ZNF208: variants seen among roughly 807,000 people sequenced by gnomAD.
ZNF208 encodes the protein zinc finger protein 208, also known as zinc finger protein 95.
A neutral mutation model predicts 12.1 loss-of-function variants in ZNF208; 10 were observed. That is an observed-to-expected ratio of 0.83 (90% CI 0.51 to 1.40). ZNF208 has a LOEUF of 1.40. Among genes scored for constraint, ZNF208 ranks in the 40% most tolerant of loss-of-function variants. The pLI is 0.00. For missense variants in ZNF208, 1,652 were observed against 1,485.0 expected (o/e 1.11, Z -1.85); for synonymous variants, 497 against 488.4 (o/e 1.02, Z -0.23).
downstream of ZNF208, among the ~76,000 whole-genome samples, chr19:21,965,005 G>C (rs1251998024): frequency 1.3e-5 from 2 of 151,736 alleles, no homozygotes; most frequent in East Asian, 3.9e-4. Context: ...TTTAAATCTA[G>C]ACATAATGCT....
In ZNF208 at chr19:21,966,436, C is replaced by T. The variant is rs1970168492; in HGVS notation, c.*4755G>A. 1 of 152,054 alleles carries T rather than the reference C, an allele frequency of 6.6e-6. No homozygotes were observed. Among genetic ancestry groups the T allele is most frequent in the Non-Finnish European group, 1.5e-5 (1 of 67,986 alleles). 9.4% of individuals were successfully genotyped at this position (152,054 alleles called of 1,614,324 possible). Reference sequence around the variant, plus strand: ...ATTCATGTTGCTGCAAAAGACGTTACTTCATTCTCTTCTGTTGCTGCATAG... The same window carrying T: ...ATTCATGTTGCTGCAAAAGACGTTATTTCATTCTCTTCTGTTGCTGCATAG... On this transcript the variant is annotated 3_prime_UTR_variant, in exon 4 of 4. Transcript: ENST00000397126.
At position 22,007,556 on chromosome 19, in the gene ZNF208, T is replaced by C. The variant is rs1468433795; in HGVS notation, c.3+3236A>G. Among the ~76,000 whole-genome samples the C allele has an allele frequency of 7.4e-5, 11 of 149,320 alleles. No homozygotes were observed. In the East Asian group the frequency reaches 2.2e-3, roughly 29 times the overall value. ...GTAACACCTGAAAAAACTCCTAAAT[T>C]CACTCTGAGAAAATAAAAGATGAAT... On this transcript the variant is annotated intron_variant, in intron 1 of 3. Coordinates refer to ENST00000397126, the MANE Select transcript of ZNF208 (RefSeq NM_007153.3).
intron 1 of ZNF208, chr19:21,991,655 G>A (rs10407285): frequency 0.031 from 4,629 of 149,854 alleles, 169 homozygotes; most frequent in African/African-American, 0.088. Flanking sequence ...CAGGAGAATC[G>A]CTTGAACCCG....
Position 21,967,348 on chromosome 19 carries a change from T to G in ZNF208, c.*3843A>C, listed in dbSNP as rs1204432895. 1 of 152,122 alleles carries G rather than the reference T, an allele frequency of 6.6e-6. No homozygotes were observed. Among genetic ancestry groups the G allele is most frequent in the Non-Finnish European group, 1.5e-5 (1 of 68,008 alleles). 9.4% of individuals were successfully genotyped at this position (152,122 alleles called of 1,614,324 possible). A position where few individuals can be genotyped will look rare whatever the true frequency, so the allele number is the denominator to read the frequency against. On this transcript the variant is annotated 3_prime_UTR_variant, in exon 4 of 4. Coordinates refer to ENST00000397126, the MANE Select transcript of ZNF208 (RefSeq NM_007153.3). ...TTCTGTTGGCTTTGTAAAAATAACC[T>G]GATTGCAAAGTATAGCTTAATTCAG...
At chr19:21,958,447 G>A (rs141723282) in intron 4 of ZNF208, among the ~76,000 whole-genome samples, 1 of 152,286 alleles carries the variant, frequency 6.6e-6, no homozygotes, top group Non-Finnish European at 1.5e-5. Context: ...ATAACCCAGA[G>A]CTTTCTTTTA....
intron 1 of ZNF208, 126 bp downstream of exon 1, chr19:22,010,666 A>T: frequency 6.9e-7 from 1 of 1,446,148 alleles, no homozygotes; most frequent in Non-Finnish European, 9.7e-7. Flanking sequence ...AGGTCGAGCT[A>T]GGCAAGAACT....
At chr19:21,986,807 C>T (rs566777180) in intron 3 of ZNF208, 56 of 375,456 alleles carry the variant, frequency 1.5e-4, no homozygotes, top group East Asian at 5.6e-4. Flanking sequence ...AACAAAAAAA[C>T]CCCAAAGATA....
chr19:21,945,242 T>A (rs1568432335), intron 4 of ZNF208, among the ~76,000 whole-genome samples: 1 of 152,234 alleles, frequency 6.6e-6, no homozygotes, highest in Non-Finnish European at 1.5e-5. Context: ...TGCTTTCTCA[T>A]TCCATAAGCA....
At chr19:21,979,699 C>A (rs1054183010) in intron 3 of ZNF208, among the ~76,000 whole-genome samples, 3 of 152,180 alleles carry the variant, frequency 2.0e-5, no homozygotes, top group African/African-American at 7.2e-5. Flanking sequence ...CAGCTAGCGT[C>A]ATAATGACAG....
chr19:21,994,865 A>G (rs909124202), intron 1 of ZNF208, among the ~76,000 whole-genome samples: 5 of 151,918 alleles, frequency 3.3e-5, no homozygotes, highest in African/African-American at 4.8e-5. Context: ...CCACCATATG[A>G]TCCATAATTC....
At chr19:21,962,086 T>A (rs898197944), downstream of ZNF208, among the ~76,000 whole-genome samples, 2 of 152,162 alleles carry the variant, frequency 1.3e-5, no homozygotes, top group African/African-American at 4.8e-5. Flanking sequence ...GAGATTGAAG[T>A]AAAGACAGGC....
rs182667041 is a variant in ZNF208 at position 21,979,398 on chromosome 19, C to T, written c.227-4591G>A. ...GATTTCTCTGCAGAAACCCTACAGG[C>T]CAGAAGAGACTGGGGGGCCAATATT... On this transcript the variant is annotated intron_variant, in intron 3 of 3. Coordinates refer to ENST00000397126, the MANE Select transcript of ZNF208 (RefSeq NM_007153.3). 1.6e-3 allele frequency among the ~76,000 whole-genome samples: 241 copies of T among 152,282 alleles called. 1 individual carries two copies. Among genetic ancestry groups the T allele is most frequent in the African/African-American group, 5.6e-3 (231 of 41,548 alleles).
At position 21,971,901 on chromosome 19, in the gene ZNF208, T is replaced by G. The variant is rs748043245; in HGVS notation, c.3133A>C (p.Thr1045Pro). 1 of 1,529,772 alleles carries G rather than the reference T, an allele frequency of 6.5e-7. No homozygotes were observed. The highest frequency in any genetic ancestry group is 1.1e-5 in the South Asian group (1 of 87,834). The allele number at this position is 1,529,772 out of a possible 1,614,324, so 94.8% of individuals were successfully genotyped here. A position where few individuals can be genotyped will look rare whatever the true frequency, so the allele number is the denominator to read the frequency against. ...DKAFSWPSSL[T>P]EHKATHAGEK... Reference sequence around the variant, plus strand: ...CCAGCATGAGTTGCCTTATGTTCAGTAAGGCTTGAGGGCCAGCTGAAGGCT... The same window carrying G: ...CCAGCATGAGTTGCCTTATGTTCAGGAAGGCTTGAGGGCCAGCTGAAGGCT... Residue 1045 changes from threonine (T) to proline (P), a missense_variant, in exon 4 of 4, where the codon ACT becomes CCT. This residue lies in a region of ZNF208 where 1,239 missense variants were observed against 1,086.2 expected (regional missense o/e 1.14). Coordinates refer to ENST00000397126, the MANE Select transcript of ZNF208 (RefSeq NM_007153.3).
chr19:21,971,806 C>A lies in ZNF208; in HGVS notation c.3228G>T (p.Lys1076Asn). 1.2e-6 allele frequency: 2 copies of A among 1,613,758 alleles called. No individual in the cohort carries two copies. Among genetic ancestry groups the A allele is most frequent in the Admixed American group, 1.7e-5 (1 of 59,982 alleles). The change falls in exon 4 of 4, where the codon AAG becomes AAT. Residue 1076 changes from lysine (K) to asparagine (N), a missense_variant. This residue lies in a region of ZNF208 where 1,239 missense variants were observed against 1,086.2 expected (regional missense o/e 1.14). Transcript: ENST00000397126. ...FSWPSRLTEH[K>N]ATHAGEEPYK... is the part of the protein sequence containing the mutation. Reference sequence around the variant, plus strand: ...AGGGTTCCTCTCCAGCATGAGTTGCCTTATGTTCAGTAAGTCTTGAGGGCC... The same window carrying A: ...AGGGTTCCTCTCCAGCATGAGTTGCATTATGTTCAGTAAGTCTTGAGGGCC...
At position 21,974,207 on chromosome 19, in the gene ZNF208, T is replaced by C. The variant is rs771654301; in HGVS notation, c.827A>G (p.Lys276Arg). 2.3e-5 allele frequency: 37 copies of C among 1,602,736 alleles called. 1 individual carries two copies. The highest frequency in any genetic ancestry group is 3.0e-5 in the Non-Finnish European group (35 of 1,171,140). Reference protein sequence around the residue: ...FNQSAILTKHKIIHTGEKPNK... With the variant: ...FNQSAILTKHRIIHTGEKPNK... ...GGGTTTCTCTCCAGTATGAATTATC[T>C]TATGTTTAGTAAGGATTGCAGATTG... Residue 276 changes from lysine (K) to arginine (R), a missense_variant, in exon 4 of 4, where the codon AAG (lysine) becomes AGG (arginine). Around this residue, in one of 3 missense-constraint regions of ZNF208, gnomAD observed 410 missense variants for 378.2 expected, o/e 1.08. Transcript: ENST00000397126.
At chr19:21,951,738 A>T (rs1969891608) in intron 4 of ZNF208, among the ~76,000 whole-genome samples, 1 of 152,206 alleles carries the variant, frequency 6.6e-6, no homozygotes, top group African/African-American at 2.4e-5. Flanking sequence ...ATTGAAGAAG[A>T]TGATGGGTGA....
intron 4 of ZNF208, among the ~76,000 whole-genome samples, chr19:21,941,808 G>A (rs544017353): frequency 6.6e-6 from 1 of 152,164 alleles, no homozygotes; most frequent in African/African-American, 2.4e-5. Context: ...ACAGAATAGT[G>A]TATCGTGCTA....
At chr19:21,992,875 CAT>C (rs1970765813) in intron 1 of ZNF208, among the ~76,000 whole-genome samples, 1 of 152,144 alleles carries the variant, frequency 6.6e-6, no homozygotes, top group African/African-American at 2.4e-5. Flanking sequence ...GTACTAAACA[CAT>C]GTTTTCTGGA....
rs776640924 is a variant in ZNF208, at chr19:22,006,675, G to A, written c.3+4117C>T. On this transcript the variant is annotated intron_variant, in intron 1 of 3. Transcript: ENST00000397126. ...ACTAACTGGGCCTTTAATAACCTCC[G>A]TCTGCTGGCTCAAAATTAACCTTAG... 3.3e-5 allele frequency among the ~76,000 whole-genome samples: 5 copies of A among 152,086 alleles called. No individual in the cohort carries two copies. The South Asian group carries it at 6.2e-4, about 19-fold the overall frequency.
Sources: allele counts gnomAD v4.1 joint callset (sites outside exome capture counted in the v4.1 genomes callset), GRCh38; gene constraint gnomAD v4.1.1; regional missense constraint gnomAD v4.1.1; transcripts MANE v1.5; gene names NCBI Gene and HGNC (gene_info 2026-07-23, HGNC 2026-07-21).